VTI1A: variants seen among roughly 807,000 people sequenced by gnomAD.
The protein encoded by VTI1A is vesicle transport through interaction with t-SNAREs 1A, also known as vesicle transport through interaction with t-SNAREs homolog 1A.
A neutral mutation model predicts 34.9 loss-of-function variants in VTI1A; 22 were observed. The observed-to-expected ratio is 0.63, with a 90% CI of 0.45 to 0.90. The LOEUF is 0.90. Ranked by LOEUF, VTI1A falls within the 40% of genes least tolerant of loss-of-function variation. The pLI, the probability that VTI1A is intolerant of heterozygous loss-of-function variation, is 0.00. For missense variants in VTI1A, 268 were observed against 275.6 expected (o/e 0.97, Z 0.20); for synonymous variants, 87 against 97.3 (o/e 0.89, Z 0.62).
At chr10:112,596,299 A>G (rs1200703224) in intron 5 of VTI1A, among the ~76,000 whole-genome samples, 1 of 102,732 alleles carries the variant, frequency 9.7e-6, no homozygotes, top group African/African-American at 4.5e-5. Context: ...GTACCCTAAA[A>G]CTTAAAATAT....
At chr10:112,547,045 C>G (rs1221815701) in intron 5 of VTI1A, among the ~76,000 whole-genome samples, 1 of 152,160 alleles carries the variant, frequency 6.6e-6, no homozygotes, top group African/African-American at 2.4e-5. Flanking sequence ...CTTCAAGAGG[C>G]CAAGCAGGCA....
At chr10:112,801,494 C>A (rs992949578) in intron 7 of VTI1A, among the ~76,000 whole-genome samples, 28 of 152,310 alleles carry the variant, frequency 1.8e-4, no homozygotes, top group African/African-American at 6.0e-4. Flanking sequence ...TGGGGAAACT[C>A]AAGGACCCGT....
intron 1 of VTI1A, among the ~76,000 whole-genome samples, chr10:112,452,146 C>T (rs1467086740): frequency 3.3e-5 from 5 of 152,234 alleles, no homozygotes; most frequent in Admixed American, 3.3e-4. Context: ...TAGTTTGTTC[C>T]TTGTTAGGAT....
intron 7 of VTI1A, among the ~76,000 whole-genome samples, chr10:112,814,639 G>A (rs763728845): frequency 6.6e-6 from 1 of 152,200 alleles, no homozygotes; most frequent in Non-Finnish European, 1.5e-5. Flanking sequence ...AGCAACAGAC[G>A]CACAACAGGC....
chr10:112,641,202 G>C (rs979195916), intron 5 of VTI1A, among the ~76,000 whole-genome samples: 2 of 152,046 alleles, frequency 1.3e-5, no homozygotes, highest in Admixed American at 6.6e-5. Context: ...GGGCACTTCA[G>C]GCTTTCTCTC....
In VTI1A at chr10:112,571,654, G is replaced by A. The variant is rs112312806; in HGVS notation, c.427+33324G>A. Among the ~76,000 whole-genome samples the A allele has an allele frequency of 7.7e-3, 1,168 of 152,176 alleles. 17 individuals carry two copies. The highest frequency in any genetic ancestry group is 0.026 in the African/African-American group (1,088 of 41,508). On this transcript the variant is annotated intron_variant, in intron 5 of 7. Transcript: ENST00000393077. Reference sequence around the variant, plus strand: ...TTACTGGATATGTATATATCCAAAGGAAAATCATTCTACCAAAAGGTAGAA... The same window carrying A: ...TTACTGGATATGTATATATCCAAAGAAAAATCATTCTACCAAAAGGTAGAA...
chr10:112,555,621 T>G (rs1328336868), intron 5 of VTI1A, among the ~76,000 whole-genome samples: 1 of 152,078 alleles, frequency 6.6e-6, no homozygotes, highest in South Asian at 2.1e-4. Context: ...GATCTTATAT[T>G]GACCTTAGTA....
chr10:112,528,597 A>G (rs184657509), intron 4 of VTI1A, among the ~76,000 whole-genome samples: 11 of 152,222 alleles, frequency 7.2e-5, no homozygotes, highest in African/African-American at 2.6e-4. Context: ...GAGAAAAAAT[A>G]TTTTCTTCTG....
Position 112,815,479 on chromosome 10 carries a change from C to A in VTI1A, c.*96C>A. 1 of 1,074,390 alleles carries A rather than the reference C, an allele frequency of 9.3e-7. No homozygotes were observed. Among genetic ancestry groups the A allele is most frequent in the East Asian group, 2.4e-5 (1 of 41,434 alleles). The allele number at this position is 1,074,390 out of a possible 1,614,324, so 66.6% of individuals were successfully genotyped here. A position where few individuals can be genotyped will look rare whatever the true frequency, so the allele number is the denominator to read the frequency against. On this transcript the variant is annotated 3_prime_UTR_variant, in exon 8 of 8. Coordinates refer to ENST00000393077, the MANE Select transcript of VTI1A (RefSeq NM_145206.4). The stretch of plus-strand genomic sequence containing the variant: ...AATCATTCTGTTGCGCTGACAGGCC[C>A]CAGGTGACCCTCTCTCTCCCTCACC...
At chr10:112,743,597 G>T (rs547394317) in intron 7 of VTI1A, among the ~76,000 whole-genome samples, 6 of 152,084 alleles carry the variant, frequency 3.9e-5, no homozygotes, top group African/African-American at 9.7e-5. Flanking sequence ...CATGAGCCAG[G>T]GGGGAGATAT....
intron 7 of VTI1A, among the ~76,000 whole-genome samples, chr10:112,711,042 T>C (rs1849394880): frequency 6.6e-6 from 1 of 152,224 alleles, no homozygotes. Flanking sequence ...CTGCATTCCA[T>C]TTAAAGACTC....
chr10:112,682,170 CATAG>C (rs1490086417), intron 7 of VTI1A, among the ~76,000 whole-genome samples: 1 of 152,080 alleles, frequency 6.6e-6, no homozygotes, highest in Non-Finnish European at 1.5e-5. Context: ...CTTGAAATTG[CATAG>C]ATAAAGTATT....
At chr10:112,829,334 C>T in the VTI1A span, among the ~76,000 whole-genome samples, 1 of 151,950 alleles carries the variant, frequency 6.6e-6, no homozygotes, top group Non-Finnish European at 1.5e-5. Flanking sequence ...GTCCCAGCTA[C>T]TCGGGAGGCT....
chr10:112,794,704 T>C lies in VTI1A; in HGVS notation c.561-20586T>C, dbSNP rs151314959. On this transcript the variant is annotated intron_variant, in intron 7 of 7. Transcript: ENST00000393077. ...TTTTTGCAAAATTCAGATCATACTA[T>C]ACGTACTATTTGTAACCCTTGCTTT... Among the ~76,000 whole-genome samples the C allele has an allele frequency of 1.8e-3, 281 of 152,342 alleles. 1 individual carries two copies. The highest frequency in any genetic ancestry group is 6.3e-3 in the African/African-American group (262 of 41,590).
intron 5 of VTI1A, among the ~76,000 whole-genome samples, chr10:112,620,986 C>G (rs1281037994): frequency 6.6e-6 from 1 of 152,110 alleles, no homozygotes; most frequent in Admixed American, 6.5e-5. Flanking sequence ...CTTGATTTTA[C>G]ATAGGGCATT....
intron 5 of VTI1A, among the ~76,000 whole-genome samples, chr10:112,598,277 C>T (rs1317600863): frequency 6.6e-6 from 1 of 152,118 alleles, no homozygotes; most frequent in African/African-American, 2.4e-5. Flanking sequence ...TTATCTAAAG[C>T]GTATGGTTGT....
chr10:112,500,459 A>G (rs989093645), intron 3 of VTI1A, among the ~76,000 whole-genome samples: 2 of 149,822 alleles, frequency 1.3e-5, no homozygotes, highest in Non-Finnish European at 3.0e-5. Flanking sequence ...AAAAGAAAAG[A>G]AAAAAAAAAG....
intron 5 of VTI1A, among the ~76,000 whole-genome samples, chr10:112,546,070 GTATATACGTGTATACGCGTATGTGTGTA>G (rs1564821518): frequency 2.6e-4 from 37 of 143,626 alleles, no homozygotes; most frequent in South Asian, 1.1e-3. Flanking sequence ...GTATGTGTGT[GTATATACGTGTATACGCGTATGTGTGTA>G]TATACGTGTA....
intron 7 of VTI1A, among the ~76,000 whole-genome samples, chr10:112,695,662 C>G (rs75704166): frequency 1.3e-5 from 2 of 152,300 alleles, no homozygotes; most frequent in Non-Finnish European, 2.9e-5. Context: ...GTACAAAGCT[C>G]AAGGCAGTGG....
Sources: gnomAD v4.1 joint callset for allele counts (sites outside exome capture counted in the v4.1 genomes callset) on GRCh38, gnomAD v4.1.1 for gene constraint, MANE v1.5 for transcripts, NCBI Gene and HGNC (gene_info 2026-07-23, HGNC 2026-07-21) for gene names.